GSE1: variants seen among roughly 807,000 people sequenced by gnomAD.
GSE1 encodes the protein Gse1 coiled-coil protein.
Under a neutral mutation model 112.6 loss-of-function variants are expected in GSE1, and 32 were observed. The observed-to-expected ratio is 0.28, with a 90% CI of 0.21 to 0.38. The LOEUF is 0.38. Among genes scored for constraint, GSE1 ranks in the 10% least tolerant of loss-of-function variants. The pLI, the probability that GSE1 is intolerant of heterozygous loss-of-function variation, is 1.00. For missense variants in GSE1, 2,348 were observed against 1,699.2 expected, an observed-to-expected ratio of 1.38 and a Z score of -6.71; for synonymous variants, 1,115 against 735.6, an observed-to-expected ratio of 1.52 and a Z score of -8.35.
At chr16:85,379,253 C>T (rs2047492059) in intron 2 of GSE1, among the ~76,000 whole-genome samples, 1 of 152,224 alleles carries the variant, frequency 6.6e-6, no homozygotes, top group Admixed American at 6.5e-5. Context: ...TTGCACCAAT[C>T]AACTCCAATC....
chr16:85,458,883 G>A (rs2049903199), intron 2 of GSE1, among the ~76,000 whole-genome samples: 1 of 152,146 alleles, frequency 6.6e-6, no homozygotes, highest in African/African-American at 2.4e-5. Context: ...TAAGGCCAGA[G>A]GGGAGCTGTG....
chr16:85,451,072 C>T (rs2049665169), intron 2 of GSE1, among the ~76,000 whole-genome samples: 2 of 61,278 alleles, frequency 3.3e-5, no homozygotes, highest in Admixed American at 2.4e-4. Flanking sequence ...AAAACGCCAT[C>T]TCAAAAAAAA....
intron 2 of GSE1, among the ~76,000 whole-genome samples, chr16:85,403,203 C>G (rs1296557196): frequency 6.6e-6 from 1 of 152,260 alleles, no homozygotes; most frequent in African/African-American, 2.4e-5. Context: ...ATCAGGCAAG[C>G]CAGGGTGCGG....
chr16:85,449,783 C>T (rs2049622443), intron 2 of GSE1, among the ~76,000 whole-genome samples: 1 of 152,216 alleles, frequency 6.6e-6, no homozygotes, highest in Non-Finnish European at 1.5e-5. Context: ...CTTCTCTGAT[C>T]CTGTCTCCTG....
At chr16:85,308,744 C>G (rs766878268) in intron 1 of GSE1, among the ~76,000 whole-genome samples, 4 of 151,740 alleles carry the variant, frequency 2.6e-5, no homozygotes, top group African/African-American at 4.8e-5. Context: ...CAGCTGTTTC[C>G]TTCCTTTCAG....
At chr16:85,261,782 A>C (rs1025141621) in intron 1 of GSE1, among the ~76,000 whole-genome samples, 5 of 152,198 alleles carry the variant, frequency 3.3e-5, no homozygotes, top group Non-Finnish European at 7.3e-5. Context: ...CATCGTCCCC[A>C]GTCTACAGAC....
chr16:85,178,034 A>G (rs1184192512), intron 1 of GSE1, among the ~76,000 whole-genome samples: 1 of 152,168 alleles, frequency 6.6e-6, no homozygotes, highest in East Asian at 1.9e-4. Flanking sequence ...GGCACCTGCT[A>G]TGACATCAGG....
chr16:85,400,991 G>A (rs1393782976), intron 2 of GSE1, among the ~76,000 whole-genome samples: 2 of 152,032 alleles, frequency 1.3e-5, no homozygotes, highest in African/African-American at 4.8e-5. Flanking sequence ...CGGCAAGGTT[G>A]GTTTGAGCAT....
intron 2 of GSE1, among the ~76,000 whole-genome samples, chr16:85,365,713 G>C (rs1408819607): frequency 6.6e-6 from 1 of 152,184 alleles, no homozygotes; most frequent in Non-Finnish European, 1.5e-5. Flanking sequence ...GAAGGTGAAG[G>C]TTTATAGTAG....
intron 2 of GSE1, among the ~76,000 whole-genome samples, chr16:85,420,772 C>T (rs1430950026): frequency 3.3e-5 from 5 of 152,192 alleles, no homozygotes; most frequent in Non-Finnish European, 4.4e-5. Context: ...CTTCCTCTCG[C>T]CCTGGGTGGA....
intron 2 of GSE1, among the ~76,000 whole-genome samples, chr16:85,453,877 G>A (rs1348385404): frequency 6.6e-6 from 1 of 152,192 alleles, no homozygotes; most frequent in African/African-American, 2.4e-5. Context: ...GAGGCATGCA[G>A]AGAGCAGAGC....
At chr16:85,193,796 T>C (rs887875419) in intron 1 of GSE1, among the ~76,000 whole-genome samples, 10 of 152,160 alleles carry the variant, frequency 6.6e-5, no homozygotes, top group South Asian at 2.1e-4. Context: ...TAATTGTAGA[T>C]TGACCTGCAG....
At chr16:85,330,817 C>G (rs1269078652) in intron 1 of GSE1, among the ~76,000 whole-genome samples, 1 of 152,200 alleles carries the variant, frequency 6.6e-6, no homozygotes, top group East Asian at 1.9e-4. Flanking sequence ...ACACATCTTC[C>G]CTGTCTTTCT....
rs1479587312 is a variant in GSE1 at position 85,388,354 on chromosome 16, G to C, written c.2464+30711G>C. ...TGAATGGATGTATGGCTGGATGGAT[G>C]GGTGAGTGGATGGGCGGGTGGGTGG... is the stretch of plus-strand genomic sequence containing the variant. On this transcript the variant is annotated intron_variant, in intron 2 of 2. Transcript: ENST00000637419. Among the ~76,000 whole-genome samples the C allele has an allele frequency of 2.3e-4, 25 of 108,912 alleles. 5 individuals are homozygous for C. Among genetic ancestry groups the C allele is most frequent in the Non-Finnish European group, 4.6e-4 (24 of 52,190 alleles). 71.5% of individuals were successfully genotyped at this position (108,912 alleles called of 152,430 possible).
intron 3 of GSE1, among the ~76,000 whole-genome samples, chr16:85,651,627 G>A (rs1163842919): frequency 6.6e-6 from 1 of 152,208 alleles, no homozygotes; most frequent in Non-Finnish European, 1.5e-5. Context: ...GGCAGGCCTG[G>A]GCTGTTGGTA....
chr16:85,194,637 C>G (rs1218104310), intron 1 of GSE1, among the ~76,000 whole-genome samples: 3 of 152,226 alleles, frequency 2.0e-5, no homozygotes, highest in East Asian at 3.9e-4. Flanking sequence ...TGCTCAAATG[C>G]ATTTGGGAAA....
chr16:85,187,659 C>G (rs76261743), intron 1 of GSE1, among the ~76,000 whole-genome samples: 2 of 152,136 alleles, frequency 1.3e-5, no homozygotes, highest in African/African-American at 4.8e-5. Context: ...GACATCAGGC[C>G]TCGCCCCCAC....
At chr16:85,288,280 C>A (rs899632824) in intron 1 of GSE1, among the ~76,000 whole-genome samples, 3 of 152,096 alleles carry the variant, frequency 2.0e-5, no homozygotes, top group Non-Finnish European at 4.4e-5. Flanking sequence ...TCTCAGCCCC[C>A]CTACGCACTT....
At chr16:85,323,415 G>C (rs2046157717) in intron 1 of GSE1, among the ~76,000 whole-genome samples, 2 of 152,146 alleles carry the variant, frequency 1.3e-5, no homozygotes, top group South Asian at 4.2e-4. Flanking sequence ...TTGGGAGTTA[G>C]AGTCTCAGGA....
Sources: allele counts gnomAD v4.1 joint callset (sites outside exome capture counted in the v4.1 genomes callset), GRCh38; gene constraint gnomAD v4.1.1; transcripts MANE v1.5; gene names NCBI Gene and HGNC (gene_info 2026-07-23, HGNC 2026-07-21).